The following HCN1 variants were observed in gnomAD, a reference collection of about 807,000 sequenced individuals.
HCN1 encodes potassium/sodium hyperpolarization-activated cyclic nucleotide-gated channel 1.
A neutral mutation model predicts 78.9 loss-of-function variants in HCN1; 13 were observed. The ratio of observed to expected loss-of-function variants is 0.16; its 90% CI spans 0.11 to 0.26. The LOEUF (loss-of-function observed/expected upper bound fraction) is 0.26. HCN1 is among the 10% of genes least tolerant of loss of function. HCN1 has a pLI of 1.00. For synonymous variants in HCN1, 552 were observed against 455.5 expected, an observed-to-expected ratio of 1.21 and a Z score of -2.70; for missense variants, 810 against 1,154.3, an observed-to-expected ratio of 0.70 and a Z score of 4.32.
chr5:45,371,630 G>A lies in HCN1; in HGVS notation c.1231-18384C>T, dbSNP rs576359050. 4.3e-4 allele frequency among the ~76,000 whole-genome samples: 64 copies of A among 150,442 alleles called. No individual in the cohort carries two copies. The East Asian group carries it at 0.011, about 27-fold the overall frequency. On this transcript the variant is annotated intron_variant, in intron 4 of 7. Transcript: ENST00000303230. Reference sequence around the variant, plus strand: ...AAATTGGCTGGGCTTGGGGGCGGTCGCCTGTAATCCCAGCTACTCGTGAGG... The same window carrying A: ...AAATTGGCTGGGCTTGGGGGCGGTCACCTGTAATCCCAGCTACTCGTGAGG...
At chr5:45,567,036 G>T (rs1300023942) in intron 2 of HCN1, among the ~76,000 whole-genome samples, 2 of 152,246 alleles carry the variant, frequency 1.3e-5, no homozygotes, top group African/African-American at 4.8e-5. Flanking sequence ...TCAAGTTCAT[G>T]AAATGTTTTA....
At position 45,461,834 on chromosome 5, in the gene HCN1, G is replaced by GAGTGTAAAAAAAAAAAA. The variant is rs1561164045; in HGVS notation, c.1011+11_1011+12insTTTTTTTTTTTTACACT. ...TGAAAAGTCAGAGTGTAAAATAACA[G>GAGTGTAAAAAAAAAAAA]AATTTACTTACAACCATTTCATTTA... On this transcript the variant is annotated intron_variant, in intron 3 of 7. Coordinates refer to ENST00000303230, the MANE Select transcript of HCN1 (RefSeq NM_021072.4). 1 of 1,610,458 alleles carries GAGTGTAAAAAAAAAAAA rather than the reference G, an allele frequency of 6.2e-7. No homozygotes were observed. The highest frequency in any genetic ancestry group is 1.3e-5 in the African/African-American group (1 of 74,804).
chr5:45,323,141 C>G (rs1459214996), intron 5 of HCN1, among the ~76,000 whole-genome samples: 1 of 151,718 alleles, frequency 6.6e-6, no homozygotes, highest in East Asian at 1.9e-4. Flanking sequence ...TGTATGAAAT[C>G]TACATACAGG....
chr5:45,327,503 G>C (rs1029510786), intron 5 of HCN1, among the ~76,000 whole-genome samples: 7 of 151,510 alleles, frequency 4.6e-5, no homozygotes, highest in Non-Finnish European at 1.5e-5. Flanking sequence ...AATCAAGTCA[G>C]GTCCTAAAAT....
intron 4 of HCN1, among the ~76,000 whole-genome samples, chr5:45,377,091 G>A (rs1747696691): frequency 6.6e-6 from 1 of 151,896 alleles, no homozygotes; most frequent in Admixed American, 6.6e-5. Flanking sequence ...GAAAATGGTG[G>A]AAGTTATAGA....
In HCN1 at chr5:45,514,502, C is replaced by T. The variant is rs1185273232; in HGVS notation, c.850-52495G>A. ...TAAAAATTAAGACCAAATTTCTTGC[C>T]GAGTTCAAAACCTGGTACAAATAGT... On this transcript the variant is annotated intron_variant, in intron 2 of 7. Transcript: ENST00000303230. Among the ~76,000 whole-genome samples, 8 of 152,030 alleles carry T rather than the reference C, an allele frequency of 5.3e-5. No individual in the cohort carries two copies. The East Asian group carries it at 1.2e-3, about 22-fold the overall frequency.
intron 2 of HCN1, among the ~76,000 whole-genome samples, chr5:45,585,282 C>A (rs1744187692): frequency 6.6e-6 from 1 of 152,120 alleles, no homozygotes; most frequent in African/African-American, 2.4e-5. Flanking sequence ...TTCATTTGAT[C>A]TTCCATCACT....
intron 2 of HCN1, among the ~76,000 whole-genome samples, chr5:45,477,350 G>A (rs1741542280): frequency 6.6e-6 from 1 of 152,080 alleles, no homozygotes; most frequent in Non-Finnish European, 1.5e-5. Context: ...GTGATCTAAA[G>A]TTTTTCTACA....
At position 45,334,053 on chromosome 5, in the gene HCN1, C is replaced by T. The variant is rs75497555; in HGVS notation, c.1377+19047G>A. Among the ~76,000 whole-genome samples the T allele has an allele frequency of 4.6e-3, 691 of 151,782 alleles. 6 individuals carry two copies. Among genetic ancestry groups the T allele is most frequent in the African/African-American group, 0.016 (673 of 41,490 alleles). Reference sequence around the variant, plus strand: ...ATTTTAGTTTGAGTTCTATTACTTACCTCTTTTCTCCAAGATCACTTAAAA... The same window carrying T: ...ATTTTAGTTTGAGTTCTATTACTTATCTCTTTTCTCCAAGATCACTTAAAA... On this transcript the variant is annotated intron_variant, in intron 5 of 7. Coordinates refer to ENST00000303230, the MANE Select transcript of HCN1 (RefSeq NM_021072.4).
intron 6 of HCN1, among the ~76,000 whole-genome samples, chr5:45,302,737 G>A (rs1745653335): frequency 6.6e-6 from 1 of 151,896 alleles, no homozygotes; most frequent in Admixed American, 6.6e-5. Context: ...ATTTATGGGA[G>A]GGACCCAGGG....
At chr5:45,402,741 T>TTC (rs949804725) in intron 3 of HCN1, among the ~76,000 whole-genome samples, 8 of 151,116 alleles carry the variant, frequency 5.3e-5, no homozygotes, top group Admixed American at 1.3e-4. Flanking sequence ...AATATAGGCT[T>TTC]TCTCTCTCTC....
chr5:45,271,290 G>C (rs1348680890), intron 6 of HCN1, among the ~76,000 whole-genome samples: 1 of 151,634 alleles, frequency 6.6e-6, no homozygotes, highest in Non-Finnish European at 1.5e-5. Flanking sequence ...TTTCTTGCCA[G>C]TTAATGAGGT....
chr5:45,550,290 A>G (rs370626768), intron 2 of HCN1, among the ~76,000 whole-genome samples: 2 of 152,336 alleles, frequency 1.3e-5, no homozygotes, highest in East Asian at 3.9e-4. Flanking sequence ...AATGTGGCAC[A>G]TATACACCAT....
intron 1 of HCN1, among the ~76,000 whole-genome samples, chr5:45,688,006 C>T (rs1739840601): frequency 6.6e-6 from 1 of 152,214 alleles, no homozygotes; most frequent in East Asian, 1.9e-4. Context: ...GGAACTATTT[C>T]ATAACTGGCA....
chr5:45,384,281 A>T (rs1307997214), intron 4 of HCN1, among the ~76,000 whole-genome samples: 1 of 152,160 alleles, frequency 6.6e-6, no homozygotes, highest in Non-Finnish European at 1.5e-5. Flanking sequence ...AAGATACTAA[A>T]AACACCCACA....
intron 2 of HCN1, among the ~76,000 whole-genome samples, chr5:45,513,386 A>G (rs746068799): frequency 6.6e-6 from 1 of 152,126 alleles, no homozygotes; most frequent in Non-Finnish European, 1.5e-5. Context: ...TATGTAAAAA[A>G]CACATTTTCC....
In HCN1 at chr5:45,255,636, A is replaced by G. The variant is rs1188791660; in HGVS notation, c.*6285T>C. On this transcript the variant is annotated 3_prime_UTR_variant, in exon 8 of 8. Coordinates refer to ENST00000303230, the MANE Select transcript of HCN1 (RefSeq NM_021072.4). Reference sequence around the variant, plus strand: ...TAGAAGAGTTAGGCAAACAAGATTTAATTTTGAATGCTTGGAAACTAAGAC... The same window carrying G: ...TAGAAGAGTTAGGCAAACAAGATTTGATTTTGAATGCTTGGAAACTAAGAC... The G allele has an allele frequency of 6.6e-6, 1 of 152,218 alleles. No individual in the cohort carries two copies. Among genetic ancestry groups the G allele is most frequent in the Non-Finnish European group, 1.5e-5 (1 of 68,038 alleles). The allele number at this position is 152,218 out of a possible 1,614,324, so 9.4% of individuals were successfully genotyped here.
intron 7 of HCN1, among the ~76,000 whole-genome samples, chr5:45,264,565 C>T (rs1744815572): frequency 6.6e-6 from 1 of 152,016 alleles, no homozygotes; most frequent in African/African-American, 2.4e-5. Flanking sequence ...AAATAGTTAC[C>T]TCTCCCTACT....
At chr5:45,318,565 G>T (rs1377626215) in intron 5 of HCN1, among the ~76,000 whole-genome samples, 2 of 148,120 alleles carry the variant, frequency 1.4e-5, no homozygotes, top group Non-Finnish European at 3.0e-5. Flanking sequence ...ATAATAAAAA[G>T]AAAAAATATT....
Sources: allele counts gnomAD v4.1 joint callset (sites outside exome capture counted in the v4.1 genomes callset), GRCh38; gene constraint gnomAD v4.1.1; transcripts MANE v1.5; gene names NCBI Gene and HGNC (gene_info 2026-07-23, HGNC 2026-07-21).